Variants in CALCRL observed in about 807,000 individuals in gnomAD.
CALCRL encodes calcitonin receptor like receptor.
CALCRL carries 27 observed loss-of-function variants against 60.4 expected under a neutral mutation model. The ratio of observed to expected loss-of-function variants is 0.45; its 90% CI spans 0.33 to 0.62. CALCRL has a LOEUF of 0.62. Ranked by LOEUF, CALCRL falls within the 20% of genes least tolerant of loss-of-function variation. The probability of loss-of-function intolerance (pLI) is 0.03; values close to 1 mark genes in which losing one functional copy is unlikely to be tolerated. For missense variants in CALCRL, 424 were observed against 540.7 expected (o/e 0.78, Z 2.14); for synonymous variants, 190 against 182.6 (o/e 1.04, Z -0.33).
At chr2:187,419,023 ATT>A (rs33929530) in intron 1 of CALCRL, among the ~76,000 whole-genome samples, 41,126 of 86,828 alleles carry the variant, frequency 0.47, 8,352 homozygotes, top group East Asian at 0.55. Flanking sequence ...CGTCTGGCTA[ATT>A]TTTTTTTTTT....
chr2:187,364,642 T>A (rs1687201137), intron 8 of CALCRL, among the ~76,000 whole-genome samples: 1 of 152,230 alleles, frequency 6.6e-6, no homozygotes, highest in Non-Finnish European at 1.5e-5. Flanking sequence ...TAGGGTGGGA[T>A]GCCACGGTTT....
chr2:187,442,442 T>G (rs1690963207), intron 1 of CALCRL, among the ~76,000 whole-genome samples: 1 of 151,746 alleles, frequency 6.6e-6, no homozygotes, highest in African/African-American at 2.4e-5. Context: ...TATAAAATAT[T>G]CAATGATAAA....
rs554239803 is a variant in CALCRL, at chr2:187,352,413, T to C, written c.910-81A>G. The C allele has an allele frequency of 7.8e-6, 6 of 764,342 alleles. No individual in the cohort carries two copies. In the African/African-American group the frequency reaches 1.1e-4, roughly 13 times the overall value. 47.3% of individuals were successfully genotyped at this position (764,342 alleles called of 1,614,324 possible). A position where few individuals can be genotyped will look rare whatever the true frequency, so the allele number is the denominator to read the frequency against. ...CATTATTCAAGTATCTCCAATTTTA[T>C]AAATCTTAAAATATTTTTAATGTAC... On this transcript the variant is annotated intron_variant, in intron 12 of 14. Transcript: ENST00000392370.
At chr2:187,441,443 T>C (rs1440783172) in intron 1 of CALCRL, among the ~76,000 whole-genome samples, 1 of 151,892 alleles carries the variant, frequency 6.6e-6, no homozygotes, top group African/African-American at 2.4e-5. Context: ...TACACTTTGA[T>C]TGGAATTGTC....
At chr2:187,426,541 C>T (rs1379538972) in intron 1 of CALCRL, among the ~76,000 whole-genome samples, 1 of 151,958 alleles carries the variant, frequency 6.6e-6, no homozygotes, top group African/African-American at 2.4e-5. Context: ...CTATACATTA[C>T]CTATTTATAC....
intron 7 of CALCRL, among the ~76,000 whole-genome samples, chr2:187,380,004 A>C (rs989981842): frequency 1.3e-5 from 2 of 152,230 alleles, no homozygotes; most frequent in African/African-American, 2.4e-5. Context: ...TCCAATGTGT[A>C]GTGTTTAAGG....
intron 8 of CALCRL, among the ~76,000 whole-genome samples, chr2:187,375,663 C>T (rs1209738511): frequency 1.3e-5 from 2 of 151,980 alleles, no homozygotes; most frequent in Non-Finnish European, 2.9e-5. Flanking sequence ...ATGTAAAACA[C>T]GAGGACAGTA....
At chr2:187,401,043 G>T (rs1246204370) in intron 1 of CALCRL, among the ~76,000 whole-genome samples, 1 of 151,468 alleles carries the variant, frequency 6.6e-6, no homozygotes, top group Non-Finnish European at 1.5e-5. Flanking sequence ...ATATGTGCAG[G>T]CTTGTTACAT....
At chr2:187,405,802 G>GCAGA (rs1388172328) in intron 1 of CALCRL, among the ~76,000 whole-genome samples, 1 of 152,004 alleles carries the variant, frequency 6.6e-6, no homozygotes, top group Non-Finnish European at 1.5e-5. Flanking sequence ...ATTAAGCTTA[G>GCAGA]CAGAAAGTTT....
chr2:187,348,574 CTGTT>C (rs1335186957), intron 14 of CALCRL, among the ~76,000 whole-genome samples: 2 of 151,592 alleles, frequency 1.3e-5, no homozygotes, highest in African/African-American at 4.8e-5. Flanking sequence ...AAATATATGA[CTGTT>C]TGCTCTTAAA....
chr2:187,391,235 A>G (rs553988823), intron 1 of CALCRL, among the ~76,000 whole-genome samples: 2 of 152,294 alleles, frequency 1.3e-5, no homozygotes, highest in South Asian at 2.1e-4. Context: ...ACTTCTCTCT[A>G]TATATTTAGC....
intron 3 of CALCRL, among the ~76,000 whole-genome samples, chr2:187,387,097 G>A (rs929513872): frequency 3.3e-5 from 5 of 152,142 alleles, no homozygotes; most frequent in Non-Finnish European, 7.4e-5. Context: ...TTAAAGGAGA[G>A]AAAAAATTTC....
At chr2:187,412,260 G>A (rs56127332) in intron 1 of CALCRL, among the ~76,000 whole-genome samples, 2,349 of 152,180 alleles carry the variant, frequency 0.015, 30 homozygotes, top group Middle Eastern at 0.051. Context: ...TAGCTTGAAC[G>A]GGTGTCATTT....
intron 1 of CALCRL, among the ~76,000 whole-genome samples, chr2:187,422,871 T>C (rs908790142): frequency 5.9e-5 from 9 of 151,960 alleles, no homozygotes; most frequent in African/African-American, 1.9e-4. Context: ...CAATTTTTAG[T>C]GTAAAATATG....
intron 1 of CALCRL, among the ~76,000 whole-genome samples, chr2:187,446,378 G>A (rs1574338351): frequency 6.6e-6 from 1 of 151,658 alleles, no homozygotes; most frequent in East Asian, 1.9e-4. Flanking sequence ...ATCGCCTAGT[G>A]TTTTTCAAAA....
intron 8 of CALCRL, among the ~76,000 whole-genome samples, chr2:187,367,824 T>A (rs1270668732): frequency 6.6e-6 from 1 of 152,108 alleles, no homozygotes; most frequent in Non-Finnish European, 1.5e-5. Flanking sequence ...TTGTATTTCA[T>A]ATTTTTTACA....
chr2:187,373,978 T>C (rs1003509872), intron 8 of CALCRL, among the ~76,000 whole-genome samples: 1 of 151,970 alleles, frequency 6.6e-6, no homozygotes, highest in African/African-American at 2.4e-5. Context: ...CTGGGCAATA[T>C]AATCAAACCC....
chr2:187,399,755 C>T (rs977927358), intron 1 of CALCRL, among the ~76,000 whole-genome samples: 6 of 151,314 alleles, frequency 4.0e-5, no homozygotes, highest in African/African-American at 9.7e-5. Flanking sequence ...AGACACAAAA[C>T]AGAATACTAT....
intron 8 of CALCRL, among the ~76,000 whole-genome samples, chr2:187,365,200 T>A (rs1178897455): frequency 6.6e-6 from 1 of 152,218 alleles, no homozygotes; most frequent in Non-Finnish European, 1.5e-5. Context: ...TCATTGAGCA[T>A]GAAGAGAGTT....
Sources: gnomAD v4.1 joint callset for allele counts (sites outside exome capture counted in the v4.1 genomes callset) on GRCh38, gnomAD v4.1.1 for gene constraint, MANE v1.5 for transcripts, NCBI Gene and HGNC (gene_info 2026-07-23, HGNC 2026-07-21) for gene names.